The following KCNIP1 variants were observed in gnomAD, a reference collection of about 807,000 sequenced individuals.
KCNIP1 encodes A-type potassium channel modulatory protein KCNIP1.
In KCNIP1, 18 loss-of-function variants were observed where a neutral mutation model predicts 33.0. The observed-to-expected ratio is 0.55, with a 90% CI of 0.38 to 0.81. KCNIP1 has a LOEUF of 0.81. KCNIP1 is among the 30% of genes least tolerant of loss of function. The probability of loss-of-function intolerance (pLI) is 0.00; values close to 1 mark genes in which losing one functional copy is unlikely to be tolerated. For missense variants in KCNIP1, 238 were observed against 271.6 expected, an observed-to-expected ratio of 0.88 and a Z score of 0.87; for synonymous variants, 93 against 98.3, an observed-to-expected ratio of 0.95 and a Z score of 0.32.
intron 1 of KCNIP1, among the ~76,000 whole-genome samples, chr5:170,392,301 G>A (rs761933852): frequency 6.6e-6 from 1 of 152,154 alleles, no homozygotes; most frequent in Non-Finnish European, 1.5e-5. Flanking sequence ...CACCTGCTCT[G>A]TGCTCTCTCT....
intron 1 of KCNIP1, among the ~76,000 whole-genome samples, chr5:170,670,909 A>AAAT (rs1761894260): frequency 1.5e-5 from 2 of 133,930 alleles, no homozygotes; most frequent in South Asian, 2.4e-4. Context: ...AAACAAAAAA[A>AAAT]AAAATAAAAA....
chr5:170,457,616 C>A (rs2113095676), intron 1 of KCNIP1, among the ~76,000 whole-genome samples: 1 of 152,286 alleles, frequency 6.6e-6, no homozygotes, highest in Admixed American at 6.5e-5. Context: ...GCTCGGCTCT[C>A]AGGAAGCCAC....
intron 1 of KCNIP1, among the ~76,000 whole-genome samples, chr5:170,663,287 C>T (rs1007369547): frequency 2.0e-5 from 3 of 152,194 alleles, no homozygotes; most frequent in Non-Finnish European, 4.4e-5. Context: ...GCCTTTAAAT[C>T]ATCCCACACT....
intron 1 of KCNIP1, among the ~76,000 whole-genome samples, chr5:170,591,265 G>A (rs942153696): frequency 3.3e-5 from 5 of 152,184 alleles, no homozygotes; most frequent in Non-Finnish European, 7.3e-5. Flanking sequence ...CTGCCTGACC[G>A]TGTGTCCTTC....
chr5:170,386,682 C>T (rs553741112), intron 1 of KCNIP1, among the ~76,000 whole-genome samples: 59 of 150,744 alleles, frequency 3.9e-4, no homozygotes, highest in African/African-American at 1.4e-3. Context: ...TACCATATTC[C>T]GGTGTTTTTT....
chr5:170,728,993 T>C (rs1272743640), intron 5 of KCNIP1, among the ~76,000 whole-genome samples: 1 of 152,030 alleles, frequency 6.6e-6, no homozygotes, highest in Non-Finnish European at 1.5e-5. Context: ...ACAAATACCA[T>C]CTTGGTTCAT....
chr5:170,513,036 C>T (rs1375359254), intron 1 of KCNIP1, among the ~76,000 whole-genome samples: 4 of 149,658 alleles, frequency 2.7e-5, no homozygotes, highest in African/African-American at 9.9e-5. Context: ...GGCGACAGAG[C>T]GAGACTCCAT....
chr5:170,367,973 G>A (rs1237666133), intron 1 of KCNIP1, among the ~76,000 whole-genome samples: 1 of 152,192 alleles, frequency 6.6e-6, no homozygotes, highest in Non-Finnish European at 1.5e-5. Flanking sequence ...GGCAATCTAA[G>A]TGTCAATGGA....
At chr5:170,590,625 C>T (rs536164969) in intron 1 of KCNIP1, among the ~76,000 whole-genome samples, 39 of 152,288 alleles carry the variant, frequency 2.6e-4, no homozygotes, top group Admixed American at 4.6e-4. Flanking sequence ...AGCTACCTCA[C>T]CACCTAACTG....
intron 1 of KCNIP1, among the ~76,000 whole-genome samples, chr5:170,361,915 C>T (rs535383142): frequency 5.3e-5 from 8 of 152,278 alleles, no homozygotes; most frequent in Admixed American, 1.3e-4. Context: ...ATTTGGGGGA[C>T]GGGAGGCACA....
intron 1 of KCNIP1, among the ~76,000 whole-genome samples, chr5:170,579,278 T>A (rs185525110): frequency 9.8e-4 from 150 of 152,326 alleles, no homozygotes; most frequent in Admixed American, 2.9e-3. Flanking sequence ...GAAACACCTG[T>A]TGAGCTGGTT....
Position 170,378,952 on chromosome 5 carries a change from C to T in KCNIP1, c.88+24988C>T, listed in dbSNP as rs2301149. 2.2e-5 allele frequency: 36 copies of T among 1,613,916 alleles called. No homozygotes were observed. The East Asian group carries it at 6.0e-4, about 27-fold the overall frequency. ...GCCCGGGCCGTCTGGTAATTGTCCA[C>T]GCTGCCTGGGATGTAGGAGCACTGT... is the stretch of plus-strand genomic sequence containing the variant. On this transcript the variant is annotated intron_variant, in intron 1 of 7. Transcript: ENST00000377360.
intron 1 of KCNIP1, among the ~76,000 whole-genome samples, chr5:170,712,427 C>A (rs1763481858): frequency 6.6e-6 from 1 of 152,180 alleles, no homozygotes; most frequent in Non-Finnish European, 1.5e-5. Flanking sequence ...AATAATCCTA[C>A]AAGATATGCA....
At chr5:170,597,784 AATATATAT>A (rs10525595) in intron 1 of KCNIP1, among the ~76,000 whole-genome samples, 55 of 134,474 alleles carry the variant, frequency 4.1e-4, no homozygotes, top group South Asian at 3.9e-3. Flanking sequence ...GAGAGAGATA[AATATATAT>A]ATATATATAT....
chr5:170,468,146 A>G (rs1019175502), intron 1 of KCNIP1, among the ~76,000 whole-genome samples: 6 of 152,198 alleles, frequency 3.9e-5, no homozygotes, highest in African/African-American at 1.4e-4. Flanking sequence ...TACTGTATTT[A>G]AATAAGATTT....
At chr5:170,437,474 T>C (rs1055023216) in intron 1 of KCNIP1, among the ~76,000 whole-genome samples, 1 of 152,268 alleles carries the variant, frequency 6.6e-6, no homozygotes. Flanking sequence ...CCTTCAAATC[T>C]CTGCTCACCC....
intron 1 of KCNIP1, among the ~76,000 whole-genome samples, chr5:170,626,922 C>A (rs1759852196): frequency 6.6e-6 from 1 of 152,132 alleles, no homozygotes; most frequent in African/African-American, 2.4e-5. Flanking sequence ...CCCAGGCTCT[C>A]TTGCGGCTGA....
chr5:170,537,256 G>C (rs1409615690), intron 1 of KCNIP1, among the ~76,000 whole-genome samples: 3 of 152,178 alleles, frequency 2.0e-5, no homozygotes, highest in Non-Finnish European at 4.4e-5. Context: ...TTTGACAATT[G>C]TGTGACCTCG....
At position 170,504,337 on chromosome 5, in the gene KCNIP1, G is replaced by C. The variant is rs1249481983; in HGVS notation, c.-236G>C. 7.3e-7 allele frequency: 1 copy of C among 1,377,808 alleles called. No individual in the cohort carries two copies. 85.3% of individuals were successfully genotyped at this position (1,377,808 alleles called of 1,614,324 possible). On this transcript the variant is annotated 5_prime_UTR_variant, in exon 1 of 8. Transcript: ENST00000328939. The surrounding 1 kb of genome is among the most constrained non-coding windows in gnomAD (Gnocchi z 6.0). ...GGGCCGGGTCCTCGCGCGGGGAAGC[G>C]GTTCCGAAGGCTCGCGGGGAGCGGC... is the stretch of plus-strand genomic sequence containing the variant.
Sources: allele counts gnomAD v4.1 joint callset (sites outside exome capture counted in the v4.1 genomes callset), GRCh38; gene constraint gnomAD v4.1.1; non-coding constraint Gnocchi (gnomAD v3.1); transcripts MANE v1.5; gene names NCBI Gene and HGNC (gene_info 2026-07-23, HGNC 2026-07-21).